The following ITGA11 variants were observed in gnomAD, a reference collection of about 807,000 sequenced individuals.
ITGA11 encodes the protein integrin subunit alpha 11.
A neutral mutation model predicts 141.9 loss-of-function variants in ITGA11; 97 were observed. The observed-to-expected ratio is 0.68, with a 90% CI of 0.58 to 0.81. The LOEUF (loss-of-function observed/expected upper bound fraction) is 0.81. Ranked by LOEUF, ITGA11 falls within the 30% of genes least tolerant of loss-of-function variation. The pLI, the probability that ITGA11 is intolerant of heterozygous loss-of-function variation, is 0.00. For missense variants in ITGA11, 1,387 were observed against 1,559.2 expected (o/e 0.89, Z 1.86); for synonymous variants, 658 against 624.6 (o/e 1.05, Z -0.80).
intron 2 of ITGA11, among the ~76,000 whole-genome samples, chr15:68,385,374 G>T (rs1477913330): frequency 6.6e-6 from 1 of 152,238 alleles, no homozygotes; most frequent in Non-Finnish European, 1.5e-5. Context: ...CCTCTGGGTT[G>T]GGAGAGGAGG....
In ITGA11 at chr15:68,325,088, G is replaced by A. The variant is rs998151447; in HGVS notation, c.2322+43C>T. Reference sequence around the variant, plus strand: ...CTTTGGGGTTGAGGTGGAGGTGGGGGTGGGGTTCATGCCCGAGGTGCGTGC... The same window carrying A: ...CTTTGGGGTTGAGGTGGAGGTGGGGATGGGGTTCATGCCCGAGGTGCGTGC... On this transcript the variant is annotated intron_variant, in intron 18 of 29. Transcript: ENST00000315757. This position sits in a 1 kb window ranked among gnomAD's most constrained non-coding sequence, Gnocchi z 5.5. 3.6e-6 allele frequency: 5 copies of A among 1,400,128 alleles called. No homozygotes were observed. Among genetic ancestry groups the A allele is most frequent in the Non-Finnish European group, 5.1e-6 (5 of 984,734 alleles). 86.7% of individuals were successfully genotyped at this position (1,400,128 alleles called of 1,614,324 possible). A position where few individuals can be genotyped will look rare whatever the true frequency, so the allele number is the denominator to read the frequency against.
intron 11 of ITGA11, among the ~76,000 whole-genome samples, chr15:68,338,353 C>T (rs1894441068): frequency 6.6e-6 from 1 of 152,252 alleles, no homozygotes; most frequent in South Asian, 2.1e-4. Context: ...GTCTGTGTCT[C>T]CCACTGGCCC....
intron 15 of ITGA11, among the ~76,000 whole-genome samples, chr15:68,329,917 G>A (rs537421537): frequency 1.3e-5 from 2 of 152,370 alleles, no homozygotes; most frequent in African/African-American, 4.8e-5. Flanking sequence ...TTGGGCAGCA[G>A]ATGCTCTGGC....
chr15:68,350,054 C>T (rs1170637162), intron 9 of ITGA11, among the ~76,000 whole-genome samples: 1 of 152,226 alleles, frequency 6.6e-6, no homozygotes, highest in Non-Finnish European at 1.5e-5. Flanking sequence ...TTTGGCAGGT[C>T]ACTCAACTCC....
chr15:68,392,755 G>C (rs566874751), intron 2 of ITGA11, among the ~76,000 whole-genome samples: 1 of 152,280 alleles, frequency 6.6e-6, no homozygotes, highest in East Asian at 1.9e-4. Flanking sequence ...GATTTCATTT[G>C]AGACCCCAGA....
intron 2 of ITGA11, among the ~76,000 whole-genome samples, chr15:68,383,835 G>A (rs1217647441): frequency 2.6e-5 from 4 of 152,170 alleles, no homozygotes; most frequent in African/African-American, 7.2e-5. Context: ...AACAAATGGT[G>A]TTGGCTGCAG....
At chr15:68,341,644 T>A (rs2140317593) in intron 10 of ITGA11, among the ~76,000 whole-genome samples, 1 of 152,324 alleles carries the variant, frequency 6.6e-6, no homozygotes, top group African/African-American at 2.4e-5. Flanking sequence ...GTATTTGGGG[T>A]CTGACTTTCT....
intron 2 of ITGA11, among the ~76,000 whole-genome samples, chr15:68,401,677 G>A (rs1896514296): frequency 6.6e-6 from 1 of 152,064 alleles, no homozygotes; most frequent in African/African-American, 2.4e-5. Context: ...CAGCATAGTG[G>A]GTCCCTGGAG....
intron 24 of ITGA11, among the ~76,000 whole-genome samples, 166 bp downstream of exon 24, chr15:68,312,605 TGA>T (rs1439835217): frequency 2.0e-5 from 3 of 152,320 alleles, no homozygotes; most frequent in East Asian, 3.9e-4. Flanking sequence ...AAAAGAAGAC[TGA>T]GAGGCCCAGA....
At chr15:68,309,312 T>A (rs1014998548) in intron 26 of ITGA11, among the ~76,000 whole-genome samples, 1 of 152,168 alleles carries the variant, frequency 6.6e-6, no homozygotes, top group Non-Finnish European at 1.5e-5. Flanking sequence ...TATGACAGTG[T>A]TGTGAGAAAG....
rs1399032082 is a variant in ITGA11, at chr15:68,299,553, T to C, written c.*3506A>G. 1 of 152,156 alleles carries C rather than the reference T, an allele frequency of 6.6e-6. No individual in the cohort carries two copies. The highest frequency in any genetic ancestry group is 2.4e-5 in the African/African-American group (1 of 41,432). The allele number at this position is 152,156 out of a possible 1,614,324, so 9.4% of individuals were successfully genotyped here. ...ATTCATACTAATGGCTGTATTTAAG[T>C]CACCCAAGGCACATTTGGGTGGTGA... is the stretch of plus-strand genomic sequence containing the variant. On this transcript the variant is annotated 3_prime_UTR_variant, in exon 30 of 30. Coordinates refer to ENST00000315757, the MANE Select transcript of ITGA11 (RefSeq NM_001004439.2).
rs79326437 is a variant in ITGA11 at position 68,384,764 on chromosome 15, G to A, written c.165-15480C>T. 1.5e-3 allele frequency among the ~76,000 whole-genome samples: 226 copies of A among 152,346 alleles called. 2 individuals are homozygous for A. Among genetic ancestry groups the A allele is most frequent in the African/African-American group, 5.1e-3 (212 of 41,584 alleles). On this transcript the variant is annotated intron_variant, in intron 2 of 29. Transcript: ENST00000315757. ...TTTATTTGTTCCAAGAGAAAATAGC[G>A]GAGAGCGTTTATGTGCTGTGGTGTT...
At chr15:68,330,190 C>T (rs1894109223) in intron 15 of ITGA11, among the ~76,000 whole-genome samples, 1 of 152,208 alleles carries the variant, frequency 6.6e-6, no homozygotes, top group African/African-American at 2.4e-5. Context: ...ACATTTCCCC[C>T]TTGGGTTGTA....
chr15:68,410,438 G>A (rs1039133646), intron 1 of ITGA11, among the ~76,000 whole-genome samples: 5 of 152,134 alleles, frequency 3.3e-5, no homozygotes, highest in Non-Finnish European at 7.4e-5. Flanking sequence ...ACGTCTAAAA[G>A]CAAATCACAG....
Position 68,311,391 on chromosome 15 carries a change from C to T in ITGA11, c.2986G>A (p.Gly996Ser). ...ATCATCCCGTGGATGGGGAACAAGC[C>T]CAAGTTCTGGATCTGTGGCCAGAGA... ...FSCIFRIQNL[G>S]LFPIHGMMMK... Residue 996 changes from glycine (G) to serine (S), a missense_variant, in exon 25 of 30, where the codon GGC (glycine) becomes AGC (serine). Gly to Ser is a moderately conservative substitution (Grantham distance 56, BLOSUM62 0). Coordinates refer to ENST00000315757, the MANE Select transcript of ITGA11 (RefSeq NM_001004439.2). 1 of 1,562,404 alleles carries T rather than the reference C, an allele frequency of 6.4e-7. No homozygotes were observed. The highest frequency in any genetic ancestry group is 1.2e-5 in the South Asian group (1 of 84,792).
At chr15:68,354,881 A>G (rs1895024258) in intron 7 of ITGA11, among the ~76,000 whole-genome samples, 1 of 152,224 alleles carries the variant, frequency 6.6e-6, no homozygotes, top group African/African-American at 2.4e-5. Context: ...AACATGCATT[A>G]AGAATAAACT....
At position 68,331,919 on chromosome 15, in the gene ITGA11, G is replaced by A. The variant is rs760657220; in HGVS notation, c.1710C>T (p.His570=). 78 of 1,613,382 alleles carry A rather than the reference G, an allele frequency of 4.8e-5. No homozygotes were observed. The highest frequency in any genetic ancestry group is 6.2e-5 in the Non-Finnish European group (73 of 1,179,784). Residue 570 remains histidine, a synonymous_variant, in exon 14 of 30, where the codon CAC becomes CAT. Transcript: ENST00000315757. ...VVVGAPLEDN[H]AGAIYIFHGF... is the part of the protein sequence containing the mutation. ...CGTGGAAGATGTAGATGGCTCCTGC[G>A]TGGTTGTCCTCCAGGGGGGCTCCCA...
chr15:68,394,253 T>C (rs927982206), intron 2 of ITGA11, among the ~76,000 whole-genome samples: 1 of 152,174 alleles, frequency 6.6e-6, no homozygotes, highest in African/African-American at 2.4e-5. Flanking sequence ...AGATTTTAAA[T>C]TATACAGCAG....
chr15:68,349,143 C>G (rs1178713339), intron 9 of ITGA11, among the ~76,000 whole-genome samples: 3 of 152,172 alleles, frequency 2.0e-5, no homozygotes, highest in African/African-American at 4.8e-5. Flanking sequence ...TACTGGTAGC[C>G]CACTTACTTC....
Sources: gnomAD v4.1 joint callset for allele counts (sites outside exome capture counted in the v4.1 genomes callset) on GRCh38, gnomAD v4.1.1 for gene constraint, Gnocchi (gnomAD v3.1) non-coding constraint, MANE v1.5 for transcripts, NCBI Gene and HGNC (gene_info 2026-07-23, HGNC 2026-07-21) for gene names.